The following ZNF721 variants were observed in gnomAD, a reference collection of about 807,000 sequenced individuals.
ZNF721 encodes zinc finger protein 721.
A neutral mutation model predicts 2.4 loss-of-function variants in ZNF721; 2 were observed. The observed-to-expected ratio is 0.82, with a 90% CI of 0.34 to 2.58. The LOEUF is 2.58. Among genes scored for constraint, ZNF721 ranks in the 30% most tolerant of loss-of-function variants. The pLI is 0.11. For synonymous variants in ZNF721, 398 were observed against 381.8 expected (o/e 1.04, Z -0.50); for missense variants, 1,187 against 1,085.5 (o/e 1.09, Z -1.31).
intron 1 of ZNF721, among the ~76,000 whole-genome samples, chr4:480,828 G>T (rs984695436): frequency 6.9e-6 from 1 of 144,074 alleles, no homozygotes; most frequent in African/African-American, 2.5e-5. Flanking sequence ...TTTTGTGGGG[G>T]GGGGGGGAAT....
At chr4:453,759 T>A (rs782503941) in intron 2 of ZNF721, 1 of 152,220 alleles carries the variant, frequency 6.6e-6, no homozygotes, top group Non-Finnish European at 1.5e-5. Context: ...TGAATGGCTA[T>A]GTCACTATCA....
At chr4:485,955 C>G (rs1715885089) in intron 1 of ZNF721, among the ~76,000 whole-genome samples, 1 of 151,944 alleles carries the variant, frequency 6.6e-6, no homozygotes, top group Non-Finnish European at 1.5e-5. Flanking sequence ...AGCCTGGCGA[C>G]AGAGCGAGAC....
In ZNF721 at chr4:441,953, T is replaced by C; in HGVS notation, c.2514A>G (p.Thr838=). ...TAAAGGCTTTGCCACATTCTTCACATGTGTAGGGTTTCTCTCCAGTATGAA... is the reference window on the plus strand; with the variant it reads ...TAAAGGCTTTGCCACATTCTTCACACGTGTAGGGTTTCTCTCCAGTATGAA... ...RRIHTGEKPY[T]CEECGKAFRQ... The change falls in exon 3 of 3, where the codon ACA becomes ACG. Residue 838 remains threonine, a synonymous_variant. Transcript: ENST00000511833. The C allele has an allele frequency of 3.7e-6, 6 of 1,613,872 alleles. No homozygotes were observed. The highest frequency in any genetic ancestry group is 5.1e-6 in the Non-Finnish European group (6 of 1,179,876).
At chr4:451,677 AG>A (rs1714665174) in intron 2 of ZNF721, among the ~76,000 whole-genome samples, 1 of 152,206 alleles carries the variant, frequency 6.6e-6, no homozygotes, top group Non-Finnish European at 1.5e-5. Context: ...CGTGAAATAA[AG>A]GTTGTTTATC....
chr4:458,579 G>A (rs113295535), intron 2 of ZNF721, among the ~76,000 whole-genome samples: 10,647 of 152,262 alleles, frequency 0.07, 637 homozygotes, highest in African/African-American at 0.17. Flanking sequence ...AGGCGTGGTA[G>A]CTCACGCCTG....
intron 1 of ZNF721, among the ~76,000 whole-genome samples, chr4:491,936 C>T (rs1197912486): frequency 6.6e-6 from 1 of 151,748 alleles, no homozygotes; most frequent in Non-Finnish European, 1.5e-5. Flanking sequence ...AGGCAGATCA[C>T]GAGGTCAGGA....
rs782654393 is a variant in ZNF721, at chr4:443,354, TCCAAAGG to T, written c.1106_1112del (p.Ala369AspfsTer6). The T allele has an allele frequency of 3.7e-6, 6 of 1,613,878 alleles. No homozygotes were observed. The African/African-American group carries it at 8.0e-5, about 22-fold the overall frequency. On this transcript the variant is annotated frameshift_variant, in exon 3 of 3. Transcript: ENST00000511833. LOFTEE classifies it low-confidence loss of function (END_TRUNC). ...TGTGTTGATTCAGGGCTGTGTACCG[TCCAAAGG>T]CTTTGCCACAGTCTTCGCATTTGTA...
At chr4:452,269 G>T (rs1210089508) in intron 2 of ZNF721, among the ~76,000 whole-genome samples, 1 of 152,272 alleles carries the variant, frequency 6.6e-6, no homozygotes, top group East Asian at 1.9e-4. Flanking sequence ...TCAAGGATGG[G>T]AAATTAACCC....
At position 442,210 on chromosome 4, in the gene ZNF721, A is replaced by G. The variant is rs1553863290; in HGVS notation, c.2257T>C (p.Tyr753His). The G allele has an allele frequency of 2.5e-6, 4 of 1,612,508 alleles. No homozygotes were observed. The highest frequency in any genetic ancestry group is 2.2e-5 in the South Asian group (2 of 90,996). The change falls in exon 3 of 3, where the codon TAC becomes CAC. Residue 753 changes from tyrosine to histidine, a missense_variant. Physicochemically the swap from Tyr to His is moderately conservative, Grantham distance 83. Coordinates refer to ENST00000511833, the MANE Select transcript of ZNF721 (RefSeq NM_133474.4). ...YKKIHTGDKL[Y>H]KCKECGKVFK... ...ACTTTCCCACATTCTTTACATTTGT[A>G]GAGTTTATCTCCAGTATGAATTTTC...
At chr4:487,617 A>C (rs1321511629) in intron 1 of ZNF721, among the ~76,000 whole-genome samples, 1 of 152,196 alleles carries the variant, frequency 6.6e-6, no homozygotes, top group East Asian at 1.9e-4. Flanking sequence ...AATTGATTAC[A>C]AATGACCTGC....
At chr4:452,537 T>C (rs181762538) in intron 2 of ZNF721, among the ~76,000 whole-genome samples, 1 of 152,252 alleles carries the variant, frequency 6.6e-6, no homozygotes, top group Non-Finnish European at 1.5e-5. Flanking sequence ...AAAGAGAGCG[T>C]GGCTTTTCAA....
Position 477,254 on chromosome 4 carries a change from C to CTT in ZNF721, c.-93-4555_-93-4554dup, listed in dbSNP as rs35272784. Among the ~76,000 whole-genome samples the CTT allele has an allele frequency of 5.6e-3, 412 of 74,176 alleles. 5 individuals are homozygous for CTT. Among genetic ancestry groups the CTT allele is most frequent in the African/African-American group, 0.014 (260 of 18,808 alleles). The allele number at this position is 74,176 out of a possible 152,430, so 48.7% of individuals were successfully genotyped here. ...AAGAGAATGAGACACTGGTGAGTTCCTTTTTTTTTTTTTTTTTTTTTTTGG... is the reference window on the plus strand; with the variant it reads ...AAGAGAATGAGACACTGGTGAGTTCCTTTTTTTTTTTTTTTTTTTTTTTTTGG... On this transcript the variant is annotated intron_variant, in intron 1 of 2. Coordinates refer to ENST00000511833, the MANE Select transcript of ZNF721 (RefSeq NM_133474.4).
intron 1 of ZNF721, among the ~76,000 whole-genome samples, chr4:487,755 G>A (rs1354485837): frequency 6.6e-6 from 1 of 152,142 alleles, no homozygotes; most frequent in Non-Finnish European, 1.5e-5. Context: ...GGGAACTTAA[G>A]GCCAATTCGT....
chr4:494,183 C>CT (rs1307037522), intron 1 of ZNF721, among the ~76,000 whole-genome samples: 1,936 of 141,590 alleles, frequency 0.014, 45 homozygotes, highest in African/African-American at 0.042. Flanking sequence ...GGAAGTACAT[C>CT]TTTTTTTTTT....
At chr4:454,574 T>C (rs1714786781) in intron 2 of ZNF721, among the ~76,000 whole-genome samples, 1 of 152,188 alleles carries the variant, frequency 6.6e-6, no homozygotes, top group Admixed American at 6.5e-5. Flanking sequence ...GTGGGTGTGG[T>C]TTTTATTAAC....
chr4:450,960 T>A (rs1383048745), intron 2 of ZNF721, among the ~76,000 whole-genome samples: 618 of 18,814 alleles, frequency 0.033, 21 homozygotes, highest in Non-Finnish European at 0.037. Context: ...AAAAAAAATA[T>A]ATATATATAT....
chr4:488,856 A>G (rs2108722708), intron 1 of ZNF721, among the ~76,000 whole-genome samples: 1 of 152,172 alleles, frequency 6.6e-6, no homozygotes, highest in African/African-American at 2.4e-5. Flanking sequence ...ATAAAATAAA[A>G]TAAAAGGAAG....
At chr4:448,468 A>G (rs1553864452) in intron 2 of ZNF721, among the ~76,000 whole-genome samples, 1 of 151,862 alleles carries the variant, frequency 6.6e-6, no homozygotes, top group Non-Finnish European at 1.5e-5. Context: ...TTACATACTT[A>G]TAGAAATTAA....
chr4:463,886 C>T (rs1715153249), intron 2 of ZNF721, among the ~76,000 whole-genome samples: 6 of 151,982 alleles, frequency 3.9e-5, no homozygotes. Flanking sequence ...TACACATATA[C>T]CTCAGAACTT....
Sources: allele counts gnomAD v4.1 joint callset (sites outside exome capture counted in the v4.1 genomes callset), GRCh38; gene constraint gnomAD v4.1.1; transcripts MANE v1.5; gene names NCBI Gene and HGNC (gene_info 2026-07-23, HGNC 2026-07-21).